Variants in MYT1L observed in about 807,000 individuals in gnomAD.
MYT1L encodes myelin transcription factor 1-like protein.
A neutral mutation model predicts 126.7 loss-of-function variants in MYT1L; 12 were observed. The observed-to-expected ratio is 0.09, with a 90% CI of 0.06 to 0.15. MYT1L has a LOEUF of 0.15. MYT1L is among the 10% of genes least tolerant of loss of function. MYT1L has a pLI of 1.00. For missense variants in MYT1L, 979 were observed against 1,585.2 expected, an observed-to-expected ratio of 0.62 and a Z score of 6.49; for synonymous variants, 541 against 604.2, an observed-to-expected ratio of 0.90 and a Z score of 1.53.
At chr2:1,822,577 C>A (rs1360369471) in intron 21 of MYT1L, among the ~76,000 whole-genome samples, 1 of 152,170 alleles carries the variant, frequency 6.6e-6, no homozygotes. Flanking sequence ...AGGGTGGAGG[C>A]AGAAGTGTGG....
Position 1,887,463 on chromosome 2 carries a change from T to A in MYT1L, c.2642+25A>T. The A allele has an allele frequency of 6.2e-7, 1 of 1,613,972 alleles. No homozygotes were observed. Among genetic ancestry groups the A allele is most frequent in the Non-Finnish European group, 8.5e-7 (1 of 1,179,854 alleles). On this transcript the variant is annotated intron_variant, in intron 17 of 24. Coordinates refer to ENST00000647738, the MANE Select transcript of MYT1L (RefSeq NM_001303052.2). This position sits in a 1 kb window ranked among gnomAD's most constrained non-coding sequence, Gnocchi z 4.8. ...AGAATGGGAAGATTAAGAAGATTCA[T>A]AATTTCACCTCACAGCATGCTTACG...
Position 2,074,233 on chromosome 2 carries a change from T to TA in MYT1L, c.-303-20111dup, listed in dbSNP as rs1262196115. ...TAAAGATCCTTTTTCTAACTGATTTTAAAAAAAACATGCCACTTTTATTTC... is the reference window on the plus strand; with the variant it reads ...TAAAGATCCTTTTTCTAACTGATTTTAAAAAAAAACATGCCACTTTTATTTC... On this transcript the variant is annotated intron_variant, in intron 3 of 24. Coordinates refer to ENST00000647738, the MANE Select transcript of MYT1L (RefSeq NM_001303052.2). Among the ~76,000 whole-genome samples the TA allele has an allele frequency of 4.6e-5, 7 of 152,222 alleles. No homozygotes were observed. In the South Asian group the frequency reaches 8.3e-4, roughly 18 times the overall value.
At chr2:2,253,524 G>T (rs1223742723) in intron 2 of MYT1L, among the ~76,000 whole-genome samples, 1 of 152,234 alleles carries the variant, frequency 6.6e-6, no homozygotes, top group Non-Finnish European at 1.5e-5. Flanking sequence ...AGGAAGGATT[G>T]GGAACGTGTT....
intron 3 of MYT1L, among the ~76,000 whole-genome samples, chr2:2,114,850 A>G (rs1055551562): frequency 1.3e-5 from 2 of 152,198 alleles, no homozygotes; most frequent in East Asian, 3.9e-4. Context: ...TTCCGTCATC[A>G]CGTGCATAAA....
chr2:2,088,785 G>A (rs958220489), intron 3 of MYT1L, among the ~76,000 whole-genome samples: 1 of 152,106 alleles, frequency 6.6e-6, no homozygotes, highest in Non-Finnish European at 1.5e-5. Context: ...CAATTTGAAC[G>A]AACAATTACG....
At chr2:1,888,865 A>G (rs12611745) in intron 16 of MYT1L, among the ~76,000 whole-genome samples, 1 of 152,184 alleles carries the variant, frequency 6.6e-6, no homozygotes, top group Non-Finnish European at 1.5e-5. Context: ...ATAGTTAACC[A>G]TTTAACTATC....
At chr2:1,914,190 G>A (rs998879540) in intron 11 of MYT1L, among the ~76,000 whole-genome samples, 1 of 152,016 alleles carries the variant, frequency 6.6e-6, no homozygotes. Context: ...CGGGGCGGAG[G>A]TTGCAGTGAG....
chr2:2,274,079 C>A (rs2095314914), intron 2 of MYT1L, among the ~76,000 whole-genome samples: 1 of 151,964 alleles, frequency 6.6e-6, no homozygotes, highest in Non-Finnish European at 1.5e-5. Context: ...GAAGGAAAGG[C>A]ATCATAGAGA....
chr2:2,127,374 A>T (rs2081852973), intron 3 of MYT1L, among the ~76,000 whole-genome samples: 1 of 152,236 alleles, frequency 6.6e-6, no homozygotes, highest in Non-Finnish European at 1.5e-5. Flanking sequence ...TTATTTAAAT[A>T]CAAACAAAAG....
intron 1 of MYT1L, among the ~76,000 whole-genome samples, chr2:2,321,463 G>A (rs913775679): frequency 1.3e-5 from 2 of 152,136 alleles, no homozygotes; most frequent in African/African-American, 4.8e-5. Flanking sequence ...GGTGGAATTC[G>A]TGCACCAGGG....
chr2:2,236,787 CTTCTTCTTCTTCTTCTTCTTCTTCTTCTT>C (rs1310210610), intron 2 of MYT1L, among the ~76,000 whole-genome samples: 13 of 18,944 alleles, frequency 6.9e-4, no homozygotes, highest in African/African-American at 3.8e-3. Context: ...TCTTCTTCTT[CTTCTTCTTCTTCTTCTTCTTCTTCTTCTT>C]TTTTTTTTTT....
chr2:1,980,996 A>G (rs1165507057), intron 5 of MYT1L, among the ~76,000 whole-genome samples: 1 of 152,176 alleles, frequency 6.6e-6, no homozygotes. Context: ...GAGGAAGAAC[A>G]TCGGGACTGA....
intron 3 of MYT1L, among the ~76,000 whole-genome samples, chr2:2,115,360 T>G (rs1410063915): frequency 6.6e-6 from 1 of 152,190 alleles, no homozygotes; most frequent in African/African-American, 2.4e-5. Flanking sequence ...ATAGATTCGC[T>G]TTTGAATAAA....
intron 2 of MYT1L, among the ~76,000 whole-genome samples, chr2:2,190,555 T>TAAAA (rs777939174): frequency 0.016 from 1,719 of 108,278 alleles, 45 homozygotes; most frequent in African/African-American, 0.046. Context: ...CAAGACCTGT[T>TAAAA]AAAAAAAAAA....
chr2:1,952,249 T>A (rs2060197), intron 8 of MYT1L, among the ~76,000 whole-genome samples: 31,944 of 152,128 alleles, frequency 0.21, 3,431 homozygotes, highest in East Asian at 0.31. Context: ...CTTTTTAAAG[T>A]CACTTTAAAT....
intron 2 of MYT1L, among the ~76,000 whole-genome samples, chr2:2,253,952 T>C (rs10168134): frequency 0.59 from 89,773 of 152,048 alleles, 27,186 homozygotes; most frequent in East Asian, 0.9. Context: ...ATTACATAGT[T>C]TGGGAAAAAT....
chr2:2,080,919 A>G (rs1382087618), intron 3 of MYT1L, among the ~76,000 whole-genome samples: 1 of 152,166 alleles, frequency 6.6e-6, no homozygotes. Flanking sequence ...AACCCCTCAT[A>G]TTGTTTGATT....
intron 3 of MYT1L, among the ~76,000 whole-genome samples, chr2:2,162,334 G>C (rs1352117078): frequency 6.6e-6 from 1 of 151,796 alleles, no homozygotes; most frequent in South Asian, 2.1e-4. Flanking sequence ...TGCAGGTGGT[G>C]TCTAGGGTCC....
chr2:2,023,590 G>C (rs1158934360), intron 4 of MYT1L, among the ~76,000 whole-genome samples: 1 of 151,510 alleles, frequency 6.6e-6, no homozygotes, highest in East Asian at 1.9e-4. Flanking sequence ...ACTCGGAGCA[G>C]CTCCCCTGCC....
Sources: allele counts gnomAD v4.1 joint callset (sites outside exome capture counted in the v4.1 genomes callset), GRCh38; gene constraint gnomAD v4.1.1; non-coding constraint Gnocchi (gnomAD v3.1); transcripts MANE v1.5; gene names NCBI Gene and HGNC (gene_info 2026-07-23, HGNC 2026-07-21).